The following CRHR2 variants were observed in gnomAD, a reference collection of about 807,000 sequenced individuals.
CRHR2 encodes corticotropin-releasing hormone receptor 2.
In CRHR2, 53 loss-of-function variants were observed where a neutral mutation model predicts 57.9. The ratio of observed to expected loss-of-function variants is 0.92; its 90% CI spans 0.73 to 1.15. The LOEUF is 1.15. CRHR2 is among the 50% of genes most tolerant of loss of function. CRHR2 has a pLI of 0.00. For synonymous variants in CRHR2, 213 were observed against 220.9 expected (o/e 0.96, Z 0.32); for missense variants, 532 against 542.6 (o/e 0.98, Z 0.19).
chr7:30,668,064 G>A (rs1784242220), intron 2 of CRHR2, among the ~76,000 whole-genome samples: 1 of 152,208 alleles, frequency 6.6e-6, no homozygotes, highest in African/African-American at 2.4e-5. Context: ...ACCACGAGAT[G>A]TTTCTAAATG....
At chr7:30,691,366 A>G (rs1240918244) in intron 1 of CRHR2, among the ~76,000 whole-genome samples, 3 of 152,132 alleles carry the variant, frequency 2.0e-5, no homozygotes, top group African/African-American at 7.2e-5. Flanking sequence ...TCCATCTCAG[A>G]TGTTAGTGCC....
At chr7:30,655,492 C>T (rs1044907745) in intron 10 of CRHR2, 88 bp downstream of exon 10, 2 of 1,482,398 alleles carry the variant, frequency 1.3e-6, no homozygotes, top group Non-Finnish European at 1.8e-6. Flanking sequence ...GTGTGCCAGT[C>T]CCACGGGACC....
At chr7:30,655,529 G>A (rs1783747773) in intron 10 of CRHR2, 51 bp downstream of exon 10, 4 of 1,575,400 alleles carry the variant, frequency 2.5e-6, no homozygotes, top group East Asian at 2.2e-5. Flanking sequence ...GGCTGCCAGA[G>A]CAGCCTCAGG....
At chr7:30,666,176 ACCTC>A (rs1784179406) in intron 3 of CRHR2, among the ~76,000 whole-genome samples, 1 of 151,826 alleles carries the variant, frequency 6.6e-6, no homozygotes, top group Non-Finnish European at 1.5e-5. Context: ...TTATTTCTGG[ACCTC>A]AGTTTTGATG....
intron 2 of CRHR2, among the ~76,000 whole-genome samples, chr7:30,680,818 T>TTGTGTGTGTGTGTG (rs60568949): frequency 1.3e-3 from 196 of 145,476 alleles, no homozygotes; most frequent in African/African-American, 4.8e-3. Context: ...TTCTGAAAGC[T>TTGTGTGTGTGTGTG]TGTGTGTGTG....
chr7:30,689,271 C>T lies in CRHR2; in HGVS notation c.-247G>A, dbSNP rs781591882. 7 of 1,550,392 alleles carry T rather than the reference C, an allele frequency of 4.5e-6. No homozygotes were observed. In the South Asian group the frequency reaches 5.9e-5, roughly 13 times the overall value. On this transcript the variant is annotated 5_prime_UTR_variant, in exon 2 of 14. Transcript: ENST00000341843. ...CAGGGGCTGGTCTTTGGGCATCTGGCTCTGCCCGGCTGCCTAGGGGACAGC... is the reference window on the plus strand; with the variant it reads ...CAGGGGCTGGTCTTTGGGCATCTGGTTCTGCCCGGCTGCCTAGGGGACAGC...
intron 5 of CRHR2, among the ~76,000 whole-genome samples, chr7:30,664,531 G>A (rs187272278): frequency 6.6e-6 from 1 of 152,272 alleles, no homozygotes; most frequent in East Asian, 1.9e-4. Context: ...AGGGGTCTTT[G>A]AGGGCACCTG....
chr7:30,660,232 C>A (rs370951712), intron 8 of CRHR2, among the ~76,000 whole-genome samples: 1 of 152,210 alleles, frequency 6.6e-6, no homozygotes, highest in East Asian at 1.9e-4. Flanking sequence ...CCCGCACACT[C>A]TTCTCTTGTC....
rs1783805533 is a variant in CRHR2, at chr7:30,656,756, G to T, written c.832-744C>A. ...CTCCCTGCTGGGTGTGGGTCCCCAT[G>T]GGCCTGCGAGTGTCTGTTCATCTGT... On this transcript the variant is annotated intron_variant, in intron 8 of 11. Coordinates refer to ENST00000471646, the MANE Select transcript of CRHR2 (RefSeq NM_001883.5). The surrounding 1 kb of genome is among the most constrained non-coding windows in gnomAD (Gnocchi z 4.4). 6.6e-6 allele frequency among the ~76,000 whole-genome samples: 1 copy of T among 152,176 alleles called. No individual in the cohort carries two copies. Among genetic ancestry groups the T allele is most frequent in the South Asian group, 2.1e-4 (1 of 4,836 alleles).
chr7:30,653,688 G>T lies in CRHR2; in HGVS notation c.1096-88C>A. The stretch of plus-strand genomic sequence containing the variant: ...CCCTCCTCTGCTTTCTGCTCTCATG[G>T]GTCGACTGCCACCCTCATGACAAGG... On this transcript the variant is annotated intron_variant, in intron 11 of 11. Coordinates refer to ENST00000471646, the MANE Select transcript of CRHR2 (RefSeq NM_001883.5). The surrounding 1 kb of genome is among the most constrained non-coding windows in gnomAD (Gnocchi z 5.0). 1 of 1,447,894 alleles carries T rather than the reference G, an allele frequency of 6.9e-7. No individual in the cohort carries two copies. Among genetic ancestry groups the T allele is most frequent in the South Asian group, 1.4e-5 (1 of 72,266 alleles). 89.7% of individuals were successfully genotyped at this position (1,447,894 alleles called of 1,614,324 possible).
In CRHR2 at chr7:30,665,011, G is replaced by A; in HGVS notation, c.543+59C>T. ...CCAAGCAGAGACCAGACAGACAGATGGGTGCCCCCGGAGCCCAGAGCCCCC... is the reference window on the plus strand; with the variant it reads ...CCAAGCAGAGACCAGACAGACAGATAGGTGCCCCCGGAGCCCAGAGCCCCC... On this transcript the variant is annotated intron_variant, in intron 5 of 11. Coordinates refer to ENST00000471646, the MANE Select transcript of CRHR2 (RefSeq NM_001883.5). This position sits in a 1 kb window ranked among gnomAD's most constrained non-coding sequence, Gnocchi z 4.5. 3 of 1,374,696 alleles carry A rather than the reference G, an allele frequency of 2.2e-6. No homozygotes were observed. The highest frequency in any genetic ancestry group is 3.1e-6 in the Non-Finnish European group (3 of 962,486). 85.2% of individuals were successfully genotyped at this position (1,374,696 alleles called of 1,614,324 possible). A position where few individuals can be genotyped will look rare whatever the true frequency, so the allele number is the denominator to read the frequency against.
chr7:30,670,605 C>G (rs1161804842), intron 2 of CRHR2, among the ~76,000 whole-genome samples: 3 of 152,240 alleles, frequency 2.0e-5, no homozygotes, highest in Non-Finnish European at 4.4e-5. Context: ...ATAGATGTGC[C>G]CCACTCTTCA....
At chr7:30,674,546 G>C (rs1784457144) in intron 2 of CRHR2, among the ~76,000 whole-genome samples, 1 of 152,218 alleles carries the variant, frequency 6.6e-6, no homozygotes, top group South Asian at 2.1e-4. Flanking sequence ...AAAGCAGTCA[G>C]TAGGATGGCC....
chr7:30,678,924 A>G lies in CRHR2; in HGVS notation c.229+2991T>C, dbSNP rs2128147323. Among the ~76,000 whole-genome samples, 3 of 152,194 alleles carry G rather than the reference A, an allele frequency of 2.0e-5. No individual in the cohort carries two copies. The South Asian group carries it at 6.2e-4, about 32-fold the overall frequency. The stretch of plus-strand genomic sequence containing the variant: ...CTCCAGAGGACAGTGTGCTCCCAAA[A>G]TTGAGCTTCTCTGCTCACAAGCTCA... On this transcript the variant is annotated intron_variant, in intron 2 of 11. Transcript: ENST00000471646.
intron 1 of CRHR2, among the ~76,000 whole-genome samples, chr7:30,694,953 G>A (rs992587974): frequency 1.4e-5 from 2 of 139,636 alleles, no homozygotes; most frequent in African/African-American, 2.7e-5. Context: ...AGGAGAGAAG[G>A]AAGGAAGGGG....
intron 1 of CRHR2, among the ~76,000 whole-genome samples, chr7:30,698,670 T>C (rs73085841): frequency 0.018 from 2,707 of 152,200 alleles, 45 homozygotes; most frequent in South Asian, 0.043. Flanking sequence ...GCCTCCCACC[T>C]CTCTCCTCCA....
chr7:30,660,416 C>G (rs577487616), intron 8 of CRHR2, among the ~76,000 whole-genome samples, 157 bp downstream of exon 8: 1 of 152,322 alleles, frequency 6.6e-6, no homozygotes, highest in East Asian at 1.9e-4. Flanking sequence ...CCGGGTGGTG[C>G]TGGGGCACAG....
intron 5 of CRHR2, 146 bp downstream of exon 5, chr7:30,664,924 A>C: frequency 1.5e-6 from 1 of 660,842 alleles, no homozygotes; most frequent in Non-Finnish European, 2.7e-6. Context: ...GTAAGAGTAA[A>C]AGCTGCTCAA....
At chr7:30,670,509 C>T (rs933976320) in intron 2 of CRHR2, among the ~76,000 whole-genome samples, 13 of 152,290 alleles carry the variant, frequency 8.5e-5, no homozygotes, top group African/African-American at 2.9e-4. Context: ...GATGCAGAAG[C>T]GGGAGGGGAC....
Sources: allele counts gnomAD v4.1 joint callset (sites outside exome capture counted in the v4.1 genomes callset), GRCh38; gene constraint gnomAD v4.1.1; non-coding constraint Gnocchi (gnomAD v3.1); transcripts MANE v1.5; gene names NCBI Gene and HGNC (gene_info 2026-07-23, HGNC 2026-07-21).